Variants in FAM228B observed in about 807,000 individuals in gnomAD.
The protein encoded by FAM228B is family with sequence similarity 228 member B, also known as protein FAM228B.
In FAM228B, 38 loss-of-function variants were observed where a neutral mutation model predicts 42.6. The observed-to-expected ratio is 0.89, with a 90% CI of 0.69 to 1.17. The LOEUF (loss-of-function observed/expected upper bound fraction) is 1.17, where lower values mean the gene tolerates loss of function less well. Ranked by LOEUF, FAM228B falls within the 50% of genes most tolerant of loss-of-function variation. The pLI, the probability that FAM228B is intolerant of heterozygous loss-of-function variation, is 0.00. For missense variants in FAM228B, 344 were observed against 367.3 expected, an observed-to-expected ratio of 0.94 and a Z score of 0.52; for synonymous variants, 109 against 122.3, an observed-to-expected ratio of 0.89 and a Z score of 0.72.
At chr2:24,121,444 A>G, upstream of FAM228B, 1 of 728,472 alleles carries the variant, frequency 1.4e-6, no homozygotes, top group Non-Finnish European at 2.2e-6. Flanking sequence ...AAATCAAAAG[A>G]ATAACACTTC....
chr2:24,083,285 G>T, intron 2 of FAM228B: 2 of 1,189,004 alleles, frequency 1.7e-6, no homozygotes, highest in Non-Finnish European at 2.3e-6. Flanking sequence ...GTTTTTGTAA[G>T]TAAGGAGAAG....
chr2:24,128,544 T>C (rs999729938), intron 2 of FAM228B, among the ~76,000 whole-genome samples: 2 of 152,228 alleles, frequency 1.3e-5, no homozygotes, highest in Non-Finnish European at 2.9e-5. Context: ...ATTTTCCTTC[T>C]TATTATTGGT....
intron 5 of FAM228B, among the ~76,000 whole-genome samples, chr2:24,141,001 A>T (rs1381585668): frequency 6.6e-6 from 1 of 152,180 alleles, no homozygotes; most frequent in East Asian, 1.9e-4. Flanking sequence ...TGGCTGAAAA[A>T]ATATAATTGC....
intron 8 of FAM228B, 91 bp downstream of exon 8, chr2:24,161,704 G>A (rs1407876544): frequency 8.8e-6 from 7 of 799,022 alleles, no homozygotes; most frequent in African/African-American, 6.9e-5. Context: ...TTGCTGAGAC[G>A]GTGCTGAGGC....
At chr2:24,099,779 T>C (rs1179881289) in intron 3 of FAM228B, among the ~76,000 whole-genome samples, 1 of 152,118 alleles carries the variant, frequency 6.6e-6, no homozygotes, top group Non-Finnish European at 1.5e-5. Flanking sequence ...TTAAAGATCA[T>C]ATGGAACCAA....
rs56146407 is a variant in FAM228B at position 24,166,054 on chromosome 2, A to AAAAATATATATATATATAT, written c.933-1572_933-1571insAAATATATATATATATATA. The AAAAATATATATATATATAT allele has an allele frequency of 1.1e-3, 90 of 81,040 alleles. 2 individuals are homozygous for AAAAATATATATATATATAT. Among genetic ancestry groups the AAAAATATATATATATATAT allele is most frequent in the Admixed American group, 3.0e-3 (17 of 5,634 alleles). The allele number at this position is 81,040 out of a possible 1,614,324, so 5.0% of individuals were successfully genotyped here. On this transcript the variant is annotated intron_variant, in intron 9 of 10. Coordinates refer to ENST00000615575, the MANE Select transcript of FAM228B (RefSeq NM_001145710.2). ...CAGAACTCTGTCTAAAAAAAAAAAA[A>AAAAATATATATATATATAT]ATATATATATATATATATGTATGTA...
At chr2:24,081,667 G>A (rs1475768548) in intron 2 of FAM228B, among the ~76,000 whole-genome samples, 3 of 150,670 alleles carry the variant, frequency 2.0e-5, no homozygotes, top group Non-Finnish European at 2.9e-5. Flanking sequence ...ACTGAGTGCA[G>A]TGGCTGGTCT....
chr2:24,077,760 T>C lies in FAM228B; in HGVS notation c.-290+791T>C. On this transcript the variant is annotated intron_variant, in intron 1 of 10. Transcript: ENST00000613899. This position sits in a 1 kb window ranked among gnomAD's most constrained non-coding sequence, Gnocchi z 5.5. ...GAAAGCATTCACCAGCATTTGCTTG[T>C]ACTAAGACAAGGGAAAGGAGATCAT... is the stretch of plus-strand genomic sequence containing the variant. 1 of 1,612,542 alleles carries C rather than the reference T, an allele frequency of 6.2e-7. No homozygotes were observed. The highest frequency in any genetic ancestry group is 1.3e-5 in the African/African-American group (1 of 74,992).
chr2:24,115,783 C>T (rs920287748), intron 3 of FAM228B, among the ~76,000 whole-genome samples: 7 of 152,036 alleles, frequency 4.6e-5, no homozygotes, highest in African/African-American at 1.7e-4. Flanking sequence ...ACAGTTCCTG[C>T]CCTCATGGAG....
chr2:24,105,050 G>A (rs964520654), intron 3 of FAM228B, among the ~76,000 whole-genome samples: 2 of 152,216 alleles, frequency 1.3e-5, no homozygotes, highest in African/African-American at 4.8e-5. Context: ...TGTTGCACTG[G>A]AAACACCCAG....
chr2:24,081,085 AC>A, intron 2 of FAM228B: 1 of 1,526,602 alleles, frequency 6.6e-7, no homozygotes, highest in South Asian at 1.2e-5. Context: ...CACATTCCCC[AC>A]ACAGGCATAT....
intron 2 of FAM228B, chr2:24,083,236 T>A: frequency 2.8e-6 from 4 of 1,433,294 alleles, no homozygotes; most frequent in South Asian, 2.9e-5. Context: ...CAAGATCCCC[T>A]CTTTTTTTTT....
At chr2:24,159,576 A>G (rs1256509033) in intron 7 of FAM228B, among the ~76,000 whole-genome samples, 1 of 152,202 alleles carries the variant, frequency 6.6e-6, no homozygotes, top group Non-Finnish European at 1.5e-5. Flanking sequence ...TCCAAGAGGA[A>G]ACATCCCATC....
Position 24,145,841 on chromosome 2 carries a change from A to G in FAM228B, c.442-907A>G, listed in dbSNP as rs547935877. 3.9e-3 allele frequency among the ~76,000 whole-genome samples: 596 copies of G among 151,124 alleles called. 7 individuals carry two copies. Among genetic ancestry groups the G allele is most frequent in the African/African-American group, 0.014 (587 of 41,116 alleles). On this transcript the variant is annotated intron_variant, in intron 5 of 10. Coordinates refer to ENST00000615575, the MANE Select transcript of FAM228B (RefSeq NM_001145710.2). The stretch of plus-strand genomic sequence containing the variant: ...GTAGCTGGGACTATAGGCGCCCGCC[A>G]CCACGCCTGGCTAAATTTTTTGTAT...
At chr2:24,118,001 G>A (rs1665980123) in intron 3 of FAM228B, among the ~76,000 whole-genome samples, 1 of 152,130 alleles carries the variant, frequency 6.6e-6, no homozygotes, top group Non-Finnish European at 1.5e-5. Context: ...TGGAGTCTGT[G>A]GAGTTTTTTG....
At chr2:24,156,304 G>A (rs1334002643) in intron 7 of FAM228B, among the ~76,000 whole-genome samples, 1 of 151,958 alleles carries the variant, frequency 6.6e-6, no homozygotes, top group African/African-American at 2.4e-5. Flanking sequence ...TCCAGCACTG[G>A]GCTCTGTCAT....
upstream of FAM228B, chr2:24,121,400 A>G: frequency 8.7e-7 from 1 of 1,146,920 alleles, no homozygotes; most frequent in Non-Finnish European, 1.2e-6. Context: ...CAAGCTAAGA[A>G]TGGTTTTCAT....
intron 3 of FAM228B, among the ~76,000 whole-genome samples, chr2:24,100,009 G>A (rs2150995572): frequency 6.6e-6 from 1 of 152,282 alleles, no homozygotes. Flanking sequence ...ACAAATACAA[G>A]CAATGGGGAA....
intron 2 of FAM228B, chr2:24,085,080 C>A (rs1665200151): frequency 3.3e-5 from 5 of 152,198 alleles, no homozygotes; most frequent in Admixed American, 3.3e-4. Flanking sequence ...GAGACCCAAC[C>A]TCTTGGCGGG....
Sources: gnomAD v4.1 joint callset for allele counts (sites outside exome capture counted in the v4.1 genomes callset) on GRCh38, gnomAD v4.1.1 for gene constraint, Gnocchi (gnomAD v3.1) non-coding constraint, MANE v1.5 for transcripts, NCBI Gene and HGNC (gene_info 2026-07-23, HGNC 2026-07-21) for gene names.